The following SSH2 variants were observed in gnomAD, a reference collection of about 807,000 sequenced individuals.
SSH2 encodes slingshot protein phosphatase 2, also known as protein phosphatase Slingshot homolog 2.
SSH2 carries 37 observed loss-of-function variants against 135.2 expected under a neutral mutation model. The observed-to-expected ratio is 0.27, with a 90% CI of 0.21 to 0.36. The LOEUF is 0.36. Ranked by LOEUF, SSH2 falls within the 10% of genes least tolerant of loss-of-function variation. SSH2 has a pLI of 1.00. For synonymous variants in SSH2, 628 were observed against 646.2 expected, an observed-to-expected ratio of 0.97 and a Z score of 0.43; for missense variants, 1,408 against 1,765.3, an observed-to-expected ratio of 0.80 and a Z score of 3.63.
intron 1 of SSH2, chr17:29,929,330 G>A (rs560464537): frequency 3.2e-5 from 5 of 155,554 alleles, no homozygotes; most frequent in Non-Finnish European, 5.7e-5. Context: ...TAAAGGAAAG[G>A]TAAGAGGTCC....
chr17:29,806,258 A>T (rs777122980), intron 2 of SSH2, among the ~76,000 whole-genome samples: 3 of 152,242 alleles, frequency 2.0e-5, no homozygotes, highest in Non-Finnish European at 4.4e-5. Flanking sequence ...AATGAATGCC[A>T]TGTAGGTATG....
chr17:29,718,531 G>C lies in SSH2; in HGVS notation c.189-15469C>G, dbSNP rs140531411. Among the ~76,000 whole-genome samples, 64 of 152,056 alleles carry C rather than the reference G, an allele frequency of 4.2e-4. 1 individual carries two copies. In the Middle Eastern group the frequency reaches 0.01, roughly 24 times the overall value. ...GCTTAGGATCTCTTAAGAGGCTACA[G>C]TCCCGTCCTGGCTAACACGGTGAAA... On this transcript the variant is annotated intron_variant, in intron 3 of 15. Transcript: ENST00000540801.
chr17:29,738,550 A>ATTTTCTTT (rs1567933036), intron 3 of SSH2, among the ~76,000 whole-genome samples: 2 of 137,372 alleles, frequency 1.5e-5, no homozygotes, highest in African/African-American at 2.7e-5. Flanking sequence ...TTTCTTTTTT[A>ATTTTCTTT]TTTTATTTTA....
chr17:29,760,107 G>A (rs1477570344), intron 3 of SSH2, among the ~76,000 whole-genome samples: 1 of 152,202 alleles, frequency 6.6e-6, no homozygotes, highest in Non-Finnish European at 1.5e-5. Flanking sequence ...GATTTGGTAG[G>A]ATAGGAGGGC....
At chr17:29,819,361 G>T (rs1188483508) in intron 2 of SSH2, among the ~76,000 whole-genome samples, 1 of 152,012 alleles carries the variant, frequency 6.6e-6, no homozygotes, top group African/African-American at 2.4e-5. Flanking sequence ...GATAAACAAT[G>T]CCTTGAACAG....
intron 1 of SSH2, among the ~76,000 whole-genome samples, chr17:29,858,696 T>C (rs1439411070): frequency 2.0e-5 from 3 of 151,954 alleles, no homozygotes; most frequent in African/African-American, 2.4e-5. Context: ...CTGAGCAACA[T>C]AGCAAGATGC....
intron 2 of SSH2, among the ~76,000 whole-genome samples, chr17:29,819,149 C>G (rs746893330): frequency 1.3e-5 from 2 of 151,724 alleles, no homozygotes; most frequent in African/African-American, 2.4e-5. Context: ...TCACTTGAAC[C>G]GGGGAGGTGG....
chr17:29,881,593 C>T (rs1338484511), intron 1 of SSH2, among the ~76,000 whole-genome samples: 1 of 152,080 alleles, frequency 6.6e-6, no homozygotes, highest in Non-Finnish European at 1.5e-5. Context: ...CCTCTGCCTC[C>T]CACGTTCAAG....
At chr17:29,716,581 T>C in intron 3 of SSH2, 1 of 711,000 alleles carries the variant, frequency 1.4e-6, no homozygotes, top group Non-Finnish European at 2.6e-6. Context: ...CATTATCACC[T>C]TTCTTATAGA....
chr17:29,728,041 C>T (rs1008528322), intron 3 of SSH2, among the ~76,000 whole-genome samples: 16 of 151,992 alleles, frequency 1.1e-4, no homozygotes, highest in African/African-American at 2.4e-4. Flanking sequence ...ATTAGCTGGG[C>T]GTGGTCTCAA....
chr17:29,786,148 A>G (rs2041960142), intron 3 of SSH2, among the ~76,000 whole-genome samples: 1 of 152,224 alleles, frequency 6.6e-6, no homozygotes, highest in Non-Finnish European at 1.5e-5. Flanking sequence ...CCCGGTCAGC[A>G]AAGTGGGTCA....
At chr17:29,835,362 C>T (rs1037693827) in intron 2 of SSH2, among the ~76,000 whole-genome samples, 7 of 152,196 alleles carry the variant, frequency 4.6e-5, no homozygotes, top group African/African-American at 1.7e-4. Flanking sequence ...TTGCACTGGA[C>T]TCAGAAGAAG....
At chr17:29,751,509 C>T (rs545778967) in intron 3 of SSH2, among the ~76,000 whole-genome samples, 4 of 152,284 alleles carry the variant, frequency 2.6e-5, no homozygotes, top group African/African-American at 4.8e-5. Flanking sequence ...GCAACGCAGT[C>T]GCTTATTATC....
In SSH2 at chr17:29,853,314, T is replaced by C. The variant is rs185786291; in HGVS notation, c.64-4385A>G. ...GTTGACAAGGATGGTCTCCATCTCC[T>C]GACCTTGTGATCTGCCCACCTCGGC... On this transcript the variant is annotated intron_variant, in intron 1 of 15. Coordinates refer to ENST00000540801, the MANE Select transcript of SSH2 (RefSeq NM_001282129.2). 1.2e-3 allele frequency among the ~76,000 whole-genome samples: 186 copies of C among 151,808 alleles called. 4 individuals carry two copies. The highest frequency in any genetic ancestry group is 4.3e-3 in the African/African-American group (179 of 41,220).
chr17:29,799,473 A>C (rs562156534), intron 2 of SSH2, among the ~76,000 whole-genome samples: 1 of 152,264 alleles, frequency 6.6e-6, no homozygotes, highest in Admixed American at 6.5e-5. Context: ...TTGCCAGTCT[A>C]ATGTTTTATC....
chr17:29,680,496 A>G (rs566979794), intron 6 of SSH2, among the ~76,000 whole-genome samples: 1 of 131,164 alleles, frequency 7.6e-6, no homozygotes, highest in East Asian at 2.5e-4. Context: ...AGTTGCAGTG[A>G]GCTGAGATTT....
intron 2 of SSH2, among the ~76,000 whole-genome samples, chr17:29,835,573 G>C (rs1360252446): frequency 6.6e-6 from 1 of 152,138 alleles, no homozygotes; most frequent in Non-Finnish European, 1.5e-5. Flanking sequence ...GTTCAAGTAA[G>C]ACCAGGAAGT....
intron 3 of SSH2, among the ~76,000 whole-genome samples, chr17:29,750,998 G>A (rs545230777): frequency 6.6e-6 from 1 of 152,114 alleles, no homozygotes; most frequent in Non-Finnish European, 1.5e-5. Flanking sequence ...CACACTGGAA[G>A]GTCTTCAAGG....
chr17:29,724,993 G>A (rs1178654869), intron 3 of SSH2, among the ~76,000 whole-genome samples: 5 of 151,956 alleles, frequency 3.3e-5, no homozygotes, highest in Non-Finnish European at 7.4e-5. Flanking sequence ...TATTTGTTGA[G>A]AGCTTATTAT....
Sources: allele counts gnomAD v4.1 joint callset (sites outside exome capture counted in the v4.1 genomes callset), GRCh38; gene constraint gnomAD v4.1.1; transcripts MANE v1.5; gene names NCBI Gene and HGNC (gene_info 2026-07-23, HGNC 2026-07-21).